Variants in INPP4B observed in about 807,000 individuals in gnomAD.
INPP4B encodes the protein inositol polyphosphate-4-phosphatase type II B.
In INPP4B, 55 loss-of-function variants were observed where a neutral mutation model predicts 122.5. The ratio of observed to expected loss-of-function variants is 0.45; its 90% confidence interval spans 0.36 to 0.56. INPP4B has a LOEUF of 0.56. Ranked by LOEUF, INPP4B falls within the 20% of genes least tolerant of loss-of-function variation. The pLI is 0.00. For missense variants in INPP4B, 1,000 were observed against 1,097.7 expected, an observed-to-expected ratio of 0.91 and a Z score of 1.26; for synonymous variants, 403 against 388.7, an observed-to-expected ratio of 1.04 and a Z score of -0.43.
intron 3 of INPP4B, among the ~76,000 whole-genome samples, chr4:142,441,259 G>A (rs1230095947): frequency 6.6e-6 from 1 of 152,148 alleles, no homozygotes; most frequent in African/African-American, 2.4e-5. Context: ...AAATAATAAT[G>A]AGGGTTAAGC....
intron 25 of INPP4B, among the ~76,000 whole-genome samples, chr4:142,073,811 T>C (rs774167775): frequency 6.6e-6 from 1 of 152,088 alleles, no homozygotes; most frequent in Non-Finnish European, 1.5e-5. Flanking sequence ...CTGCTCTCCA[T>C]AGATCATTCA....
At chr4:142,173,956 T>A in intron 15 of INPP4B, 147 bp from the exon 16 acceptor site, 1 of 689,804 alleles carries the variant, frequency 1.4e-6, no homozygotes, top group Non-Finnish European at 2.5e-6. Context: ...AATGATGCAC[T>A]AGCAATTTTT....
chr4:142,745,239 T>C (rs1006751083), intron 1 of INPP4B, among the ~76,000 whole-genome samples: 1 of 151,178 alleles, frequency 6.6e-6, no homozygotes, highest in Non-Finnish European at 1.5e-5. Context: ...TAGCCCAAAA[T>C]AGAAAAAGAG....
intron 3 of INPP4B, among the ~76,000 whole-genome samples, chr4:142,452,906 C>T (rs749442429): frequency 8.0e-5 from 12 of 149,980 alleles, no homozygotes; most frequent in African/African-American, 2.0e-4. Flanking sequence ...CACACAACAA[C>T]GGTTTAAAAA....
chr4:142,365,081 C>T (rs902491515), intron 7 of INPP4B, among the ~76,000 whole-genome samples: 1 of 152,018 alleles, frequency 6.6e-6, no homozygotes, highest in Admixed American at 6.6e-5. Context: ...GTCTGATCCA[C>T]GGCATTGGAA....
chr4:142,186,727 A>G (rs941455072), intron 15 of INPP4B, among the ~76,000 whole-genome samples: 2 of 152,216 alleles, frequency 1.3e-5, no homozygotes, highest in African/African-American at 4.8e-5. Context: ...ATACAGCTAC[A>G]ATGAAAATAA....
intron 1 of INPP4B, among the ~76,000 whole-genome samples, chr4:142,794,120 A>G (rs1776915019): frequency 6.6e-6 from 1 of 152,046 alleles, no homozygotes; most frequent in South Asian, 2.1e-4. Context: ...TCTATCTATC[A>G]CAAGCTAATT....
chr4:142,794,085 A>C (rs1393012967), intron 1 of INPP4B, among the ~76,000 whole-genome samples: 1 of 152,028 alleles, frequency 6.6e-6, no homozygotes, highest in East Asian at 1.9e-4. Flanking sequence ...CTATCCATCT[A>C]TGGATCTACC....
intron 2 of INPP4B, among the ~76,000 whole-genome samples, chr4:142,725,091 T>C (rs941980302): frequency 6.6e-6 from 1 of 152,128 alleles, no homozygotes; most frequent in Non-Finnish European, 1.5e-5. Context: ...AAATCTCTTT[T>C]GAGATAGTAG....
chr4:142,330,546 TACACGCGCACGCACACAC>T, intron 7 of INPP4B, among the ~76,000 whole-genome samples: 1 of 152,004 alleles, frequency 6.6e-6, no homozygotes, highest in Non-Finnish European at 1.5e-5. Context: ...CGCACACACA[TACACGCGCACGCACACAC>T]ACACATATTC....
chr4:142,044,759 T>C (rs903066840), intron 25 of INPP4B, among the ~76,000 whole-genome samples: 5 of 152,278 alleles, frequency 3.3e-5, no homozygotes, highest in Admixed American at 2.0e-4. Flanking sequence ...CATCTTTTTG[T>C]CGTTGTTTCT....
At chr4:142,294,474 A>G (rs1757714350) in intron 9 of INPP4B, among the ~76,000 whole-genome samples, 1 of 152,088 alleles carries the variant, frequency 6.6e-6, no homozygotes. Flanking sequence ...GTAAATTTGG[A>G]GAATACCAGG....
chr4:142,376,179 C>A (rs914745318), intron 7 of INPP4B, among the ~76,000 whole-genome samples: 4 of 151,892 alleles, frequency 2.6e-5, no homozygotes, highest in African/African-American at 4.8e-5. Flanking sequence ...ACAACTGAAA[C>A]CTAGTGTAGC....
intron 7 of INPP4B, among the ~76,000 whole-genome samples, chr4:142,319,012 A>G (rs978786332): frequency 2.0e-5 from 3 of 152,206 alleles, no homozygotes; most frequent in Non-Finnish European, 2.9e-5. Flanking sequence ...GTGGGAGGAC[A>G]GCGAGGACTG....
At chr4:142,587,420 T>C (rs968275650) in intron 2 of INPP4B, among the ~76,000 whole-genome samples, 4 of 152,084 alleles carry the variant, frequency 2.6e-5, no homozygotes, top group Non-Finnish European at 5.9e-5. Context: ...AAAAGTCTTC[T>C]ATTTAAAAAA....
intron 23 of INPP4B, among the ~76,000 whole-genome samples, chr4:142,105,418 AG>A (rs1274943058): frequency 6.6e-6 from 1 of 152,202 alleles, no homozygotes; most frequent in Non-Finnish European, 1.5e-5. Context: ...CCATGTTTGT[AG>A]ATTGCTGAAT....
At chr4:142,136,621 C>A (rs1367350609) in intron 18 of INPP4B, among the ~76,000 whole-genome samples, 1 of 152,062 alleles carries the variant, frequency 6.6e-6, no homozygotes, top group Non-Finnish European at 1.5e-5. Context: ...GAGGATGAGG[C>A]AGGGTGAGGT....
At chr4:142,434,641 A>G (rs954193345) in intron 3 of INPP4B, among the ~76,000 whole-genome samples, 1 of 152,176 alleles carries the variant, frequency 6.6e-6, no homozygotes, top group Admixed American at 6.5e-5. Flanking sequence ...TAAAAGGGAT[A>G]CGGTGACCCT....
chr4:142,486,641 C>T (rs1821232547), intron 2 of INPP4B, among the ~76,000 whole-genome samples: 2 of 152,278 alleles, frequency 1.3e-5, no homozygotes, highest in South Asian at 4.1e-4. Flanking sequence ...CAGTTTTCCA[C>T]TTACGGTTTG....
Sources: allele counts gnomAD v4.1 joint callset (sites outside exome capture counted in the v4.1 genomes callset), GRCh38; gene constraint gnomAD v4.1.1; transcripts MANE v1.5; gene names NCBI Gene and HGNC (gene_info 2026-07-23, HGNC 2026-07-21).